Variants in CDH13 observed in about 807,000 individuals in gnomAD.
CDH13 encodes cadherin-13.
In CDH13, 24 loss-of-function variants were observed where a neutral mutation model predicts 63.8. The observed-to-expected ratio is 0.38, with a 90% CI of 0.27 to 0.53. CDH13 has a LOEUF of 0.53. Ranked by LOEUF, CDH13 falls within the 20% of genes least tolerant of loss-of-function variation. The pLI is 0.85. For missense variants in CDH13, 1,049 were observed against 903.1 expected (o/e 1.16, Z -2.07); for synonymous variants, 503 against 355.3 (o/e 1.42, Z -4.67).
At chr16:83,519,150 T>G (rs1462679631) in intron 7 of CDH13, among the ~76,000 whole-genome samples, 1 of 152,142 alleles carries the variant, frequency 6.6e-6, no homozygotes, top group Non-Finnish European at 1.5e-5. Flanking sequence ...CACTGGAAAT[T>G]TGAGGAATTT....
At chr16:83,538,872 TA>T (rs919890370) in intron 7 of CDH13, among the ~76,000 whole-genome samples, 5 of 152,138 alleles carry the variant, frequency 3.3e-5, no homozygotes, top group Non-Finnish European at 7.3e-5. Context: ...TAAAATTTTG[TA>T]AAAAAATATA....
intron 1 of CDH13, among the ~76,000 whole-genome samples, chr16:82,742,979 A>G (rs1332452519): frequency 1.3e-5 from 2 of 152,220 alleles, no homozygotes; most frequent in Non-Finnish European, 2.9e-5. Flanking sequence ...ACATATTTAG[A>G]AAAAAATTAT....
chr16:82,754,926 C>T (rs1487639322), intron 1 of CDH13, among the ~76,000 whole-genome samples: 2 of 152,188 alleles, frequency 1.3e-5, no homozygotes, highest in Non-Finnish European at 2.9e-5. Context: ...ATTGACCTGA[C>T]ATTTTGTGAG....
intron 8 of CDH13, among the ~76,000 whole-genome samples, chr16:83,629,193 CAT>C (rs1312465486): frequency 6.6e-6 from 1 of 152,176 alleles, no homozygotes; most frequent in Admixed American, 6.5e-5. Flanking sequence ...GCCAGTTAAG[CAT>C]ATGTTTCATA....
At chr16:83,157,194 A>C (rs1011055153) in intron 4 of CDH13, among the ~76,000 whole-genome samples, 5 of 152,164 alleles carry the variant, frequency 3.3e-5, no homozygotes, top group African/African-American at 1.2e-4. Context: ...TTTAATAGCT[A>C]ATTACCACAC....
intron 6 of CDH13, among the ~76,000 whole-genome samples, chr16:83,400,343 T>G (rs1427140395): frequency 6.6e-6 from 1 of 152,164 alleles, no homozygotes. Context: ...TGCAGGAAGT[T>G]TGTTTTCTCA....
intron 5 of CDH13, among the ~76,000 whole-genome samples, chr16:83,256,043 T>A (rs1331840358): frequency 6.6e-6 from 1 of 152,162 alleles, no homozygotes; most frequent in African/African-American, 2.4e-5. Context: ...AAGTGATTAT[T>A]TTTTTCTTGA....
intron 3 of CDH13, among the ~76,000 whole-genome samples, chr16:83,066,327 A>G (rs2032007336): frequency 6.6e-6 from 1 of 152,184 alleles, no homozygotes; most frequent in South Asian, 2.1e-4. Flanking sequence ...TAGTCTTGAG[A>G]GAGCTGCCCT....
intron 10 of CDH13, among the ~76,000 whole-genome samples, chr16:83,727,274 CA>C (rs2150946326): frequency 6.6e-6 from 1 of 152,018 alleles, no homozygotes; most frequent in African/African-American, 2.4e-5. Context: ...AATCAGCTAA[CA>C]TGTGATATCC....
At chr16:83,701,248 C>G (rs992600371) in intron 10 of CDH13, among the ~76,000 whole-genome samples, 1 of 152,158 alleles carries the variant, frequency 6.6e-6, no homozygotes, top group Non-Finnish European at 1.5e-5. Context: ...GACTCAGTGT[C>G]AGGATGTTTA....
chr16:83,649,754 C>A (rs904225282), intron 8 of CDH13, among the ~76,000 whole-genome samples: 1 of 152,106 alleles, frequency 6.6e-6, no homozygotes, highest in East Asian at 1.9e-4. Flanking sequence ...TCGCACTCTT[C>A]CCCTGTGGGT....
At chr16:83,091,082 A>G (rs79608072) in intron 3 of CDH13, among the ~76,000 whole-genome samples, 2,582 of 152,278 alleles carry the variant, frequency 0.017, 71 homozygotes, top group African/African-American at 0.059. Flanking sequence ...AGACTGTACA[A>G]TATTTCATGT....
chr16:83,042,069 C>T (rs990762616), intron 3 of CDH13, among the ~76,000 whole-genome samples: 12 of 152,140 alleles, frequency 7.9e-5, no homozygotes, highest in African/African-American at 2.7e-4. Context: ...TGTTTGAATC[C>T]TCTGTTTGTT....
rs1232496708 is a variant in CDH13 at position 83,727,488 on chromosome 16, A to C, written c.1539-20620A>C. Among the ~76,000 whole-genome samples, 3 of 151,666 alleles carry C rather than the reference A, an allele frequency of 2.0e-5. No homozygotes were observed. In the East Asian group the frequency reaches 5.9e-4, roughly 30 times the overall value. On this transcript the variant is annotated intron_variant, in intron 10 of 13. Transcript: ENST00000567109. ...CAGCACATCTTCTTCTGCTTGCTTT[A>C]TTTAGTGCACACCTATCCACCTGTT...
At chr16:82,915,257 C>T (rs556101987) in intron 2 of CDH13, among the ~76,000 whole-genome samples, 24 of 152,262 alleles carry the variant, frequency 1.6e-4, no homozygotes, top group African/African-American at 5.3e-4. Flanking sequence ...GATTTAATAT[C>T]GCAAGAGTCT....
At chr16:83,607,887 T>C (rs1057125533) in intron 8 of CDH13, among the ~76,000 whole-genome samples, 2 of 152,166 alleles carry the variant, frequency 1.3e-5, no homozygotes, top group Non-Finnish European at 2.9e-5. Flanking sequence ...ATTTGTGGCT[T>C]TTTCATTCTT....
intron 7 of CDH13, among the ~76,000 whole-genome samples, chr16:83,582,738 C>T (rs943345488): frequency 2.6e-5 from 4 of 152,246 alleles, no homozygotes; most frequent in African/African-American, 4.8e-5. Flanking sequence ...TGGAGCTCAG[C>T]GTTGACAGAG....
intron 5 of CDH13, among the ~76,000 whole-genome samples, chr16:83,289,931 C>A (rs903383595): frequency 2.0e-5 from 3 of 152,132 alleles, no homozygotes; most frequent in Non-Finnish European, 2.9e-5. Flanking sequence ...TAGCCAGCAC[C>A]CAGATTAAGA....
chr16:83,654,462 C>T (rs1912681843), intron 8 of CDH13, among the ~76,000 whole-genome samples: 1 of 151,804 alleles, frequency 6.6e-6, no homozygotes, highest in Non-Finnish European at 1.5e-5. Context: ...GGACAATGTG[C>T]AAGAAAGGAC....
Sources: allele counts gnomAD v4.1 joint callset (sites outside exome capture counted in the v4.1 genomes callset), GRCh38; gene constraint gnomAD v4.1.1; transcripts MANE v1.5; gene names NCBI Gene and HGNC (gene_info 2026-07-23, HGNC 2026-07-21).